Variants in TMEM9 observed in about 807,000 individuals in gnomAD.
TMEM9 encodes the protein proton-transporting V-type ATPase complex assembly regulator TMEM9.
TMEM9 carries 13 observed loss-of-function variants against 22.8 expected under a neutral mutation model. The ratio of observed to expected loss-of-function variants is 0.57; its 90% CI spans 0.37 to 0.91. TMEM9 has a LOEUF of 0.91. TMEM9 is among the 40% of genes least tolerant of loss of function. The probability of loss-of-function intolerance (pLI) is 0.01; values close to 1 mark genes in which losing one functional copy is unlikely to be tolerated. For synonymous variants in TMEM9, 88 were observed against 93.0 expected, an observed-to-expected ratio of 0.95 and a Z score of 0.31; for missense variants, 182 against 238.1, an observed-to-expected ratio of 0.76 and a Z score of 1.55.
chr1:201,135,524 A>C lies in TMEM9; in HGVS notation c.*139T>G. 1.2e-6 allele frequency: 1 copy of C among 829,254 alleles called. No homozygotes were observed. The highest frequency in any genetic ancestry group is 1.8e-6 in the Non-Finnish European group (1 of 558,330). 51.4% of individuals were successfully genotyped at this position (829,254 alleles called of 1,614,324 possible). On this transcript the variant is annotated 3_prime_UTR_variant, in exon 5 of 5. Transcript: ENST00000367330. ...AGCCAAGTACAACATTTCTAAAGTT[A>C]GGGAGAAGGAGGAAAAATGCCACAG...
chr1:201,146,286 G>A (rs1305968508), intron 3 of TMEM9, among the ~76,000 whole-genome samples: 1 of 152,194 alleles, frequency 6.6e-6, no homozygotes, highest in Non-Finnish European at 1.5e-5. Context: ...CCAACACCCA[G>A]CCCTAGTCCA....
At chr1:201,146,996 G>C in intron 2 of TMEM9, 148 bp from the exon 3 acceptor site, 1 of 663,376 alleles carries the variant, frequency 1.5e-6, no homozygotes, top group Middle Eastern at 4.1e-4. Context: ...GCTTATAAAG[G>C]ATTAGGCTGG....
At chr1:201,137,471 A>AAC (rs144662228) in intron 4 of TMEM9, among the ~76,000 whole-genome samples, 3,440 of 146,594 alleles carry the variant, frequency 0.023, 54 homozygotes, top group Middle Eastern at 0.059. Flanking sequence ...CAAATTATCT[A>AAC]ACACACACAC....
chr1:201,150,473 C>T (rs935315566), intron 2 of TMEM9, among the ~76,000 whole-genome samples: 2 of 152,184 alleles, frequency 1.3e-5, no homozygotes, highest in African/African-American at 4.8e-5. Context: ...CACACACAAA[C>T]ACGTACATAC....
At chr1:201,158,499 G>A (rs150415026), upstream of TMEM9, among the ~76,000 whole-genome samples, 124 of 152,228 alleles carry the variant, frequency 8.1e-4, 2 homozygotes, top group East Asian at 0.014. Context: ...GAAGTTCAGG[G>A]AGAGACATGT....
intron 1 of TMEM9, 89 bp downstream of exon 1, chr1:201,153,769 G>A (rs1253160041): frequency 1.3e-6 from 2 of 1,589,254 alleles, no homozygotes; most frequent in Non-Finnish European, 1.7e-6. Context: ...CAGGCTTAAG[G>A]AGCAGCTGGC....
chr1:201,148,679 T>C (rs1423066704), intron 2 of TMEM9, among the ~76,000 whole-genome samples: 1 of 152,226 alleles, frequency 6.6e-6, no homozygotes, highest in Non-Finnish European at 1.5e-5. Flanking sequence ...ATCAAGGGTG[T>C]GTGATATAAA....
At position 201,140,955 on chromosome 1, in the gene TMEM9, G is replaced by A. The variant is rs566002590; in HGVS notation, c.399+2865C>T. Among the ~76,000 whole-genome samples the A allele has an allele frequency of 7.2e-5, 11 of 152,138 alleles. No individual in the cohort carries two copies. The East Asian group carries it at 1.7e-3, about 24-fold the overall frequency. ...GAGGGGCAGTAGATTATCCCTCGTC[G>A]TCCAGGACTAGGGCCCCCAGTCTCT... On this transcript the variant is annotated intron_variant, in intron 4 of 4. Coordinates refer to ENST00000367330, the MANE Select transcript of TMEM9 (RefSeq NM_001288565.2).
intron 2 of TMEM9, 25 bp downstream of exon 2, chr1:201,151,736 C>T (rs1342306351): frequency 1.9e-6 from 3 of 1,584,462 alleles, no homozygotes; most frequent in Non-Finnish European, 2.6e-6. Flanking sequence ...GTATAGCAGC[C>T]AGGGGCCTGC....
intron 1 of TMEM9, among the ~76,000 whole-genome samples, chr1:201,171,251 G>A (rs1666203679): frequency 6.6e-6 from 1 of 152,190 alleles, no homozygotes; most frequent in Non-Finnish European, 1.5e-5. Context: ...CCCCCTGCCG[G>A]ACGGCGGGCT....
chr1:201,135,419 G>T lies in TMEM9; in HGVS notation c.*244C>A. On this transcript the variant is annotated 3_prime_UTR_variant, in exon 5 of 5. Transcript: ENST00000367330. Reference sequence around the variant, plus strand: ...GAATGTCTCCATTCCCTTCTGGCCTGCCTTCCCCCTCCCTTCAACCCCAAA... The same window carrying T: ...GAATGTCTCCATTCCCTTCTGGCCTTCCTTCCCCCTCCCTTCAACCCCAAA... 1 of 389,358 alleles carries T rather than the reference G, an allele frequency of 2.6e-6. No homozygotes were observed. The highest frequency in any genetic ancestry group is 4.6e-6 in the Non-Finnish European group (1 of 219,050). 24.1% of individuals were successfully genotyped at this position (389,358 alleles called of 1,614,324 possible).
intron 4 of TMEM9, among the ~76,000 whole-genome samples, chr1:201,141,294 C>T (rs191251631): frequency 6.6e-5 from 10 of 152,374 alleles, no homozygotes; most frequent in Admixed American, 3.3e-4. Context: ...CGAGGGCAGA[C>T]ATAAGGTCTG....
At chr1:201,161,283 T>C (rs1665941337) in intron 1 of TMEM9, among the ~76,000 whole-genome samples, 1 of 152,140 alleles carries the variant, frequency 6.6e-6, no homozygotes, top group African/African-American at 2.4e-5. Context: ...TGTAGGAGAA[T>C]GAGTGAAAAA....
intron 4 of TMEM9, among the ~76,000 whole-genome samples, chr1:201,139,580 T>C (rs1380063301): frequency 6.6e-6 from 1 of 151,958 alleles, no homozygotes; most frequent in Admixed American, 6.5e-5. Flanking sequence ...ACCTCCCCCC[T>C]TACCCCCCAG....
chr1:201,137,284 G>A (rs550948657), intron 4 of TMEM9, among the ~76,000 whole-genome samples: 2 of 152,338 alleles, frequency 1.3e-5, no homozygotes, highest in South Asian at 2.1e-4. Flanking sequence ...CTAGGCTCGC[G>A]TCCCAGGTGG....
intron 1 of TMEM9, among the ~76,000 whole-genome samples, chr1:201,163,392 C>A (rs981022186): frequency 2.7e-4 from 41 of 152,120 alleles, no homozygotes; most frequent in African/African-American, 9.2e-4. Flanking sequence ...GAGTTTGAAA[C>A]CAGCCTGGTC....
chr1:201,167,019 G>T (rs1379519920), intron 1 of TMEM9, among the ~76,000 whole-genome samples: 1 of 152,166 alleles, frequency 6.6e-6, no homozygotes, highest in East Asian at 1.9e-4. Context: ...AAGTGTATTT[G>T]GGAGAGATTT....
At chr1:201,151,034 T>C (rs1468348951) in intron 2 of TMEM9, among the ~76,000 whole-genome samples, 2 of 152,158 alleles carry the variant, frequency 1.3e-5, no homozygotes, top group African/African-American at 4.8e-5. Flanking sequence ...GCCCCAACTC[T>C]ACACCAAGAA....
At chr1:201,153,545 T>C (rs879821481) in intron 1 of TMEM9, among the ~76,000 whole-genome samples, 2 of 152,218 alleles carry the variant, frequency 1.3e-5, no homozygotes, top group African/African-American at 2.4e-5. Context: ...CAAAACATAC[T>C]TTGGTCCAAA....
Sources: allele counts gnomAD v4.1 joint callset (sites outside exome capture counted in the v4.1 genomes callset), GRCh38; gene constraint gnomAD v4.1.1; transcripts MANE v1.5; gene names NCBI Gene and HGNC (gene_info 2026-07-23, HGNC 2026-07-21).